Variants in MID1 observed in about 807,000 individuals in gnomAD.
MID1 encodes midline 1.
MID1 carries 7 observed loss-of-function variants against 40.4 expected under a neutral mutation model. That is an observed-to-expected ratio of 0.17 (90% CI 0.10 to 0.33). MID1 has a LOEUF of 0.33. Among genes scored for constraint, MID1 ranks in the 10% least tolerant of loss-of-function variants. The pLI is 1.00. For synonymous variants in MID1, 229 were observed against 221.2 expected, an observed-to-expected ratio of 1.04 and a Z score of -0.31; for missense variants, 367 against 558.5, an observed-to-expected ratio of 0.66 and a Z score of 3.46.
At chrX:10,462,666 T>C (rs758705847) in intron 7 of MID1, among the ~76,000 whole-genome samples, 67 of 112,043 alleles carry the variant, frequency 6.0e-4, no homozygotes, top group African/African-American at 2.1e-3. Flanking sequence ...CATTTTTTTT[T>C]TCATTCACAA....
At chrX:10,817,622 TC>T (rs2044148420) in intron 1 of MID1, among the ~76,000 whole-genome samples, 1 of 98,804 alleles carries the variant, frequency 1.0e-5, no homozygotes, top group Non-Finnish European at 2.0e-5. Context: ...CTTTCTTTCT[TC>T]TTTTTTTTTT....
intron 1 of MID1, among the ~76,000 whole-genome samples, chrX:10,661,241 T>C (rs989398693): frequency 6.3e-5 from 7 of 111,680 alleles, no homozygotes; most frequent in African/African-American, 2.3e-4. Flanking sequence ...GATGTTTTCA[T>C]TGGGGGAAGC....
chrX:10,478,145 T>A (rs935965300), intron 5 of MID1, among the ~76,000 whole-genome samples: 1 of 112,190 alleles, frequency 8.9e-6, no homozygotes, highest in African/African-American at 3.2e-5. Flanking sequence ...GTTACTGCTA[T>A]AAGGGATTTT....
chrX:10,526,464 C>T (rs1475686224), intron 2 of MID1, among the ~76,000 whole-genome samples: 1 of 111,622 alleles, frequency 9.0e-6, no homozygotes. Context: ...TATTTGTCAA[C>T]TTTTTTGGTA....
At chrX:10,670,826 C>T (rs1289468222) in intron 1 of MID1, among the ~76,000 whole-genome samples, 3 of 112,306 alleles carry the variant, frequency 2.7e-5, no homozygotes, top group South Asian at 3.7e-4. Context: ...ATCCCATCAT[C>T]TTGACCTTCT....
intron 1 of MID1, among the ~76,000 whole-genome samples, chrX:10,667,198 T>G (rs1391253515): frequency 8.9e-6 from 1 of 111,817 alleles, no homozygotes; most frequent in African/African-American, 3.3e-5. Flanking sequence ...GCACACCACT[T>G]TGAGATGTAA....
chrX:10,556,299 C>T (rs918077870), intron 2 of MID1, among the ~76,000 whole-genome samples: 3 of 111,080 alleles, frequency 2.7e-5, no homozygotes, highest in Non-Finnish European at 5.7e-5. Flanking sequence ...TCAGATTAAC[C>T]AGAAACATGA....
At chrX:10,630,961 T>C (rs1170693399) in intron 1 of MID1, among the ~76,000 whole-genome samples, 1 of 111,181 alleles carries the variant, frequency 9.0e-6, no homozygotes, top group South Asian at 3.8e-4. Context: ...GAGCAGTTGA[T>C]AGGAGGGACC....
At chrX:10,508,436 TA>T (rs1189586805) in intron 3 of MID1, among the ~76,000 whole-genome samples, 10 of 112,793 alleles carry the variant, frequency 8.9e-5, no homozygotes, top group African/African-American at 2.9e-4. Context: ...TTTACCTGAT[TA>T]TTTTTACTTA....
At chrX:10,473,691 ATGTC>A (rs1479592545) in intron 6 of MID1, among the ~76,000 whole-genome samples, 1 of 112,495 alleles carries the variant, frequency 8.9e-6, no homozygotes, top group African/African-American at 3.2e-5. Flanking sequence ...TGAAGGCTGT[ATGTC>A]TTAAGTGCAG....
At chrX:10,565,820 T>C (rs1934508644) in intron 2 of MID1, among the ~76,000 whole-genome samples, 2 of 106,756 alleles carry the variant, frequency 1.9e-5, no homozygotes, top group South Asian at 8.7e-4. Context: ...TTTTTTTTTT[T>C]TTTTTTTGAG....
Position 10,620,493 on chromosome X carries a change from A to G in MID1, c.-260T>C, listed in dbSNP as rs1173095087. ...TGCTACACGCACTCTGCTCGAGACA[A>G]TGTCAAGTTTCTCAACCTTTTCTCC... On this transcript the variant is annotated 5_prime_UTR_variant, in exon 1 of 10. Transcript: ENST00000317552. 3.6e-5 allele frequency: 4 copies of G among 112,633 alleles called. No individual in the cohort carries two copies. Among genetic ancestry groups the G allele is most frequent in the African/African-American group, 1.3e-4 (4 of 30,924 alleles). The allele number at this position is 112,633 out of a possible 1,213,427, so 9.3% of individuals were successfully genotyped here.
At chrX:10,509,602 G>A (rs1291428328) in intron 3 of MID1, among the ~76,000 whole-genome samples, 1 of 111,616 alleles carries the variant, frequency 9.0e-6, no homozygotes, top group African/African-American at 3.3e-5. Context: ...CTACCTGGGT[G>A]GCAGAGCCCT....
chrX:10,530,845 T>C (rs1211994404), intron 2 of MID1, among the ~76,000 whole-genome samples: 2 of 112,172 alleles, frequency 1.8e-5, no homozygotes, highest in Non-Finnish European at 3.8e-5. Flanking sequence ...TTTGGAGACC[T>C]GAACCTAAGA....
chrX:10,452,343 T>C (rs1387930550), intron 9 of MID1, among the ~76,000 whole-genome samples: 3 of 112,054 alleles, frequency 2.7e-5, no homozygotes, highest in Non-Finnish European at 3.8e-5. Flanking sequence ...AAATACTAAG[T>C]GTATAGTCCA....
At chrX:10,718,686 A>C (rs1399430447) in intron 1 of MID1, among the ~76,000 whole-genome samples, 1 of 112,060 alleles carries the variant, frequency 8.9e-6, no homozygotes, top group Non-Finnish European at 1.9e-5. Flanking sequence ...AATCCTCCCT[A>C]ACTCATTTTA....
intron 1 of MID1, among the ~76,000 whole-genome samples, chrX:10,793,196 T>C (rs1224228009): frequency 1.8e-5 from 2 of 112,650 alleles, no homozygotes; most frequent in African/African-American, 6.5e-5. Flanking sequence ...CTGATCTGCT[T>C]ATATGAGTTA....
rs1234782396 is a variant in MID1, at chrX:10,521,285, G to C, written c.756+1807C>G. Reference sequence around the variant, plus strand: ...CCTCCAGCATTGGGGATTACAATTCGACATGAGATTGGGGCGGGGACATCT... The same window carrying C: ...CCTCCAGCATTGGGGATTACAATTCCACATGAGATTGGGGCGGGGACATCT... On this transcript the variant is annotated intron_variant, in intron 3 of 9. Coordinates refer to ENST00000317552, the MANE Select transcript of MID1 (RefSeq NM_000381.4). Among the ~76,000 whole-genome samples the C allele has an allele frequency of 3.6e-5, 4 of 110,591 alleles. No homozygotes were observed. In the Admixed American group the frequency reaches 3.8e-4, roughly 11 times the overall value.
At chrX:10,769,887 C>T (rs1259626640) in intron 1 of MID1, among the ~76,000 whole-genome samples, 1 of 111,694 alleles carries the variant, frequency 9.0e-6, no homozygotes, top group African/African-American at 3.3e-5. Context: ...TCAGGGCAAA[C>T]GGATTTTTGT....
Sources: allele counts gnomAD v4.1 joint callset (sites outside exome capture counted in the v4.1 genomes callset), GRCh38; gene constraint gnomAD v4.1.1; transcripts MANE v1.5; gene names NCBI Gene and HGNC (gene_info 2026-07-23, HGNC 2026-07-21).